Variants in LNPEP observed in about 807,000 individuals in gnomAD.
The protein encoded by LNPEP is leucyl and cystinyl aminopeptidase.
Under a neutral mutation model 120.6 loss-of-function variants are expected in LNPEP, and 64 were observed. That is an observed-to-expected ratio of 0.53 (90% CI 0.43 to 0.65). The LOEUF is 0.65. Ranked by LOEUF, LNPEP falls within the 30% of genes least tolerant of loss-of-function variation. LNPEP has a pLI of 0.00. For synonymous variants in LNPEP, 435 were observed against 425.4 expected, an observed-to-expected ratio of 1.02 and a Z score of -0.28; for missense variants, 1,057 against 1,200.0, an observed-to-expected ratio of 0.88 and a Z score of 1.76.
intron 11 of LNPEP, among the ~76,000 whole-genome samples, chr5:97,007,020 G>T (rs1790804855): frequency 1.3e-5 from 2 of 152,130 alleles, no homozygotes; most frequent in African/African-American, 4.8e-5. Context: ...TAGGAAGGGG[G>T]AGGGGAATAG....
intron 7 of LNPEP, 70 bp downstream of exon 7, chr5:96,996,573 A>AT: frequency 1.2e-6 from 1 of 831,494 alleles, no homozygotes; most frequent in Non-Finnish European, 2.0e-6. Flanking sequence ...ATTTTCATGT[A>AT]TTTTCTGTGC....
intron 1 of LNPEP, among the ~76,000 whole-genome samples, chr5:96,978,767 G>T (rs987219941): frequency 6.6e-6 from 1 of 152,170 alleles, no homozygotes; most frequent in African/African-American, 2.4e-5. Flanking sequence ...GCCTGGTGGG[G>T]ACAGACATAG....
intron 4 of LNPEP, among the ~76,000 whole-genome samples, chr5:96,992,546 C>T (rs1189546697): frequency 1.3e-5 from 2 of 152,050 alleles, no homozygotes; most frequent in Admixed American, 6.6e-5. Flanking sequence ...GATGTGACTC[C>T]TCAGTGTTGA....
chr5:97,029,705 A>G lies in LNPEP; in HGVS notation c.*1172A>G, dbSNP rs2112679419. Reference sequence around the variant, plus strand: ...CTTTGAATTTTTTTCACTATCAAAAATAGTGCTTTTGTTTAGTTAAAAATT... The same window carrying G: ...CTTTGAATTTTTTTCACTATCAAAAGTAGTGCTTTTGTTTAGTTAAAAATT... On this transcript the variant is annotated 3_prime_UTR_variant, in exon 18 of 18. Coordinates refer to ENST00000231368, the MANE Select transcript of LNPEP (RefSeq NM_005575.3). The G allele has an allele frequency of 6.6e-6, 1 of 152,334 alleles. No individual in the cohort carries two copies. Among genetic ancestry groups the G allele is most frequent in the South Asian group, 2.1e-4 (1 of 4,830 alleles). 9.4% of individuals were successfully genotyped at this position (152,334 alleles called of 1,614,324 possible).
Position 97,006,411 on chromosome 5 carries a change from T to C in LNPEP, c.1947-16T>C, listed in dbSNP as rs1396744075. The stretch of plus-strand genomic sequence containing the variant: ...AAATCATATGTAACTAATTTTCCAA[T>C]GTTTTCTCTTTACAGCTACCTGTGG... On this transcript the variant is annotated splice_polypyrimidine_tract_variant and intron_variant, in intron 10 of 17. Coordinates refer to ENST00000231368, the MANE Select transcript of LNPEP (RefSeq NM_005575.3). The C allele has an allele frequency of 6.8e-7, 1 of 1,478,608 alleles. No homozygotes were observed. The highest frequency in any genetic ancestry group is 9.3e-7 in the Non-Finnish European group (1 of 1,077,840). The allele number at this position is 1,478,608 out of a possible 1,614,324, so 91.6% of individuals were successfully genotyped here.
At chr5:96,943,808 T>G (rs1192062965) in intron 1 of LNPEP, among the ~76,000 whole-genome samples, 2 of 152,236 alleles carry the variant, frequency 1.3e-5, no homozygotes, top group African/African-American at 2.4e-5. Context: ...GAAATTCTTT[T>G]TCTTCTAATA....
chr5:96,968,712 A>G (rs1706670761), intron 1 of LNPEP, among the ~76,000 whole-genome samples: 1 of 152,070 alleles, frequency 6.6e-6, no homozygotes, highest in Non-Finnish European at 1.5e-5. Flanking sequence ...CGGTATAATA[A>G]ATAAAGAGGG....
chr5:96,995,520 T>G (rs1332092165), intron 6 of LNPEP, among the ~76,000 whole-genome samples: 1 of 152,108 alleles, frequency 6.6e-6, no homozygotes, highest in Non-Finnish European at 1.5e-5. Flanking sequence ...TGTTTATATA[T>G]GCCATCTTTT....
At position 97,006,447 on chromosome 5, in the gene LNPEP, T is replaced by C; in HGVS notation, c.1967T>C (p.Leu656Pro). Reference protein sequence around the residue: ...SDTSYLWHIPLSYVTEGRNYS... With the variant: ...SDTSYLWHIPPSYVTEGRNYS... ...TACAGCTACCTGTGGCATATTCCAC[T>C]ATCCTATGTCACTGAAGGAAGAAAT... Residue 656 changes from leucine (L) to proline (P), a missense_variant, in exon 11 of 18, where the codon CTA becomes CCA. Physicochemically the swap from Leu to Pro is moderately conservative, Grantham distance 98. Coordinates refer to ENST00000231368, the MANE Select transcript of LNPEP (RefSeq NM_005575.3). The C allele has an allele frequency of 6.3e-7, 1 of 1,579,344 alleles. No individual in the cohort carries two copies. The highest frequency in any genetic ancestry group is 8.7e-7 in the Non-Finnish European group (1 of 1,150,272).
intron 1 of LNPEP, among the ~76,000 whole-genome samples, chr5:96,947,517 A>G (rs1789215526): frequency 6.6e-6 from 1 of 152,056 alleles, no homozygotes; most frequent in South Asian, 2.1e-4. Flanking sequence ...TTCCCGTGCT[A>G]TTTGTCTGTT....
intron 1 of LNPEP, among the ~76,000 whole-genome samples, chr5:96,966,470 AAC>A (rs1343806674): frequency 5.9e-5 from 9 of 151,356 alleles, no homozygotes; most frequent in Non-Finnish European, 5.9e-5. Context: ...ATTGCACTCC[AAC>A]CTGGGTCACA....
chr5:97,025,716 A>C (rs533992868), intron 15 of LNPEP, among the ~76,000 whole-genome samples: 1 of 152,222 alleles, frequency 6.6e-6, no homozygotes, highest in Non-Finnish European at 1.5e-5. Flanking sequence ...TTTAAAAACC[A>C]TATTAGGTTT....
chr5:96,994,396 T>C (rs776396945), intron 6 of LNPEP, among the ~76,000 whole-genome samples: 21 of 151,950 alleles, frequency 1.4e-4, no homozygotes, highest in Admixed American at 2.6e-4. Flanking sequence ...CAGTATAACT[T>C]TGTGGGGAAG....
chr5:96,938,564 C>T (rs890352125), intron 1 of LNPEP, among the ~76,000 whole-genome samples: 3 of 152,118 alleles, frequency 2.0e-5, no homozygotes, highest in South Asian at 4.1e-4. Context: ...TATTCCAGTA[C>T]GTTTTTTTTG....
intron 1 of LNPEP, among the ~76,000 whole-genome samples, chr5:96,963,750 G>C (rs1013683831): frequency 2.0e-5 from 3 of 151,952 alleles, no homozygotes; most frequent in African/African-American, 7.3e-5. Context: ...AGAATGTTTT[G>C]TTTATTAATT....
intron 1 of LNPEP, among the ~76,000 whole-genome samples, chr5:96,950,900 G>T (rs748455144): frequency 6.6e-6 from 1 of 152,162 alleles, no homozygotes; most frequent in East Asian, 1.9e-4. Context: ...AGTATAGGCA[G>T]TGTAGTAGTC....
At position 96,985,333 on chromosome 5, in the gene LNPEP, T is replaced by A. The variant is rs1004228553; in HGVS notation, c.999+115T>A. On this transcript the variant is annotated intron_variant, in intron 3 of 17. Transcript: ENST00000231368. ...GAATGATTAAAATCATATACATTAA[T>A]ATTCTTCCTTAAAATACTTAAATAA... is the stretch of plus-strand genomic sequence containing the variant. The A allele has an allele frequency of 3.7e-6, 3 of 815,338 alleles. No individual in the cohort carries two copies. The East Asian group carries it at 8.8e-5, about 24-fold the overall frequency. 50.5% of individuals were successfully genotyped at this position (815,338 alleles called of 1,614,324 possible). A position where few individuals can be genotyped will look rare whatever the true frequency, so the allele number is the denominator to read the frequency against.
At chr5:96,992,292 T>G (rs748385672) in intron 4 of LNPEP, among the ~76,000 whole-genome samples, 3 of 152,148 alleles carry the variant, frequency 2.0e-5, no homozygotes, top group Non-Finnish European at 2.9e-5. Flanking sequence ...TTGGTTTTAG[T>G]TCTGTGTACA....
rs1247158936 is a variant in LNPEP at position 97,032,515 on chromosome 5, T to C, written c.*3982T>C. 1.3e-5 allele frequency: 2 copies of C among 152,326 alleles called. No individual in the cohort carries two copies. Among genetic ancestry groups the C allele is most frequent in the East Asian group, 3.9e-4 (2 of 5,184 alleles). The allele number at this position is 152,326 out of a possible 1,614,324, so 9.4% of individuals were successfully genotyped here. On this transcript the variant is annotated 3_prime_UTR_variant, in exon 18 of 18. Transcript: ENST00000231368. ...CATGTTTTTGATAGTTTTTATATTA[T>C]TTCATTTTGTATATTTTTTTCCTGA...
Sources: allele counts gnomAD v4.1 joint callset (sites outside exome capture counted in the v4.1 genomes callset), GRCh38; gene constraint gnomAD v4.1.1; transcripts MANE v1.5; gene names NCBI Gene and HGNC (gene_info 2026-07-23, HGNC 2026-07-21).